SAMD3: variants seen among roughly 807,000 people sequenced by gnomAD.
SAMD3 encodes the protein sterile alpha motif domain-containing protein 3.
In SAMD3, 63 loss-of-function variants were observed where a neutral mutation model predicts 58.5. The observed-to-expected ratio is 1.08, with a 90% CI of 0.88 to 1.33. The LOEUF is 1.33. SAMD3 is among the 40% of genes most tolerant of loss of function. The pLI, the probability that SAMD3 is intolerant of heterozygous loss-of-function variation, is 0.00. For missense variants in SAMD3, 604 were observed against 608.4 expected (o/e 0.99, Z 0.08); for synonymous variants, 220 against 210.3 (o/e 1.05, Z -0.40).
intron 1 of SAMD3, among the ~76,000 whole-genome samples, chr6:130,341,920 T>C (rs1777288758): frequency 6.6e-6 from 1 of 152,226 alleles, no homozygotes. Flanking sequence ...AAATATTCTT[T>C]TTATTCCACC....
At chr6:130,200,557 C>CCA (rs1794561056) in intron 5 of SAMD3, among the ~76,000 whole-genome samples, 1 of 97,244 alleles carries the variant, frequency 1.0e-5, no homozygotes, top group African/African-American at 4.0e-5. Context: ...CCCCGACCCA[C>CCA]AAAAAAAAAA....
chr6:130,359,289 T>C (rs1170666531), intron 1 of SAMD3, among the ~76,000 whole-genome samples: 1 of 152,216 alleles, frequency 6.6e-6, no homozygotes, highest in East Asian at 1.9e-4. Context: ...TTTGTTTGAG[T>C]ACACAGAACA....
chr6:130,294,909 A>ATTTTTTTTTTTTTT lies in SAMD3; in HGVS notation c.-188+18055_-188+18068dup, dbSNP rs774036634. On this transcript the variant is annotated intron_variant, in intron 2 of 13. Coordinates refer to the SAMD3 transcript ENST00000368134. ...TCTAATTTTTCCATACATTTCTCTG[A>ATTTTTTTTTTTTTT]TTTTTTTTTTTTTTTTTTTTTTTTT... 3.7e-4 allele frequency among the ~76,000 whole-genome samples: 21 copies of ATTTTTTTTTTTTTT among 56,164 alleles called. 2 individuals are homozygous for ATTTTTTTTTTTTTT. The highest frequency in any genetic ancestry group is 5.9e-4 in the Admixed American group (3 of 5,092). 36.8% of individuals were successfully genotyped at this position (56,164 alleles called of 152,430 possible).
intron 5 of SAMD3, among the ~76,000 whole-genome samples, chr6:130,190,181 C>A (rs1185701892): frequency 2.0e-5 from 3 of 152,188 alleles, no homozygotes; most frequent in Non-Finnish European, 1.5e-5. Flanking sequence ...CACCAGGAGA[C>A]TGAGTTTTCC....
intron 8 of SAMD3, among the ~76,000 whole-genome samples, chr6:130,165,412 CA>C (rs977468731): frequency 6.6e-6 from 1 of 151,766 alleles, no homozygotes; most frequent in African/African-American, 2.4e-5. Flanking sequence ...AACAAACAAA[CA>C]AAAAAACACA....
intron 2 of SAMD3, among the ~76,000 whole-genome samples, chr6:130,259,563 T>C (rs1173940985): frequency 1.3e-5 from 2 of 152,080 alleles, no homozygotes; most frequent in Non-Finnish European, 1.5e-5. Flanking sequence ...GGACAAACAT[T>C]CAAACCATAG....
chr6:130,277,830 G>A (rs1774835029), intron 2 of SAMD3, among the ~76,000 whole-genome samples: 1 of 152,154 alleles, frequency 6.6e-6, no homozygotes, highest in Admixed American at 6.6e-5. Context: ...CCTCCAAGCT[G>A]TCTCTGTTCA....
intron 1 of SAMD3, among the ~76,000 whole-genome samples, chr6:130,325,658 C>G (rs1399449176): frequency 6.6e-6 from 1 of 152,202 alleles, no homozygotes; most frequent in East Asian, 1.9e-4. Flanking sequence ...ATCTGGATAT[C>G]CCTTAAGCCA....
intron 2 of SAMD3, among the ~76,000 whole-genome samples, chr6:130,302,982 C>A (rs1775803886): frequency 6.6e-6 from 1 of 152,024 alleles, no homozygotes. Flanking sequence ...GTTTGGGTGG[C>A]GAGTTAACTA....
intron 1 of SAMD3, among the ~76,000 whole-genome samples, chr6:130,219,237 C>T (rs1234052879): frequency 6.6e-6 from 1 of 152,122 alleles, no homozygotes; most frequent in Non-Finnish European, 1.5e-5. Context: ...AGCTAGCAGA[C>T]AGCAAACAGG....
At chr6:130,338,526 A>G (rs1182282469) in intron 1 of SAMD3, among the ~76,000 whole-genome samples, 1 of 152,182 alleles carries the variant, frequency 6.6e-6, no homozygotes, top group Non-Finnish European at 1.5e-5. Flanking sequence ...TGCCTGGAAA[A>G]GTCACAGGCA....
At chr6:130,178,062 C>T (rs908116309) in intron 7 of SAMD3, among the ~76,000 whole-genome samples, 4 of 152,076 alleles carry the variant, frequency 2.6e-5, no homozygotes, top group Admixed American at 1.3e-4. Flanking sequence ...GCAATCTCCA[C>T]CTCCTGGGCT....
At chr6:130,171,444 T>G (rs1208940351) in intron 8 of SAMD3, among the ~76,000 whole-genome samples, 1 of 152,184 alleles carries the variant, frequency 6.6e-6, no homozygotes, top group Non-Finnish European at 1.5e-5. Context: ...AAGAACATCT[T>G]TGTTTCTGCC....
intron 2 of SAMD3, among the ~76,000 whole-genome samples, chr6:130,258,884 T>TGATTTTAGC (rs1253041566): frequency 6.6e-6 from 1 of 152,210 alleles, no homozygotes; most frequent in Non-Finnish European, 1.5e-5. Flanking sequence ...GAGATTTTAG[T>TGATTTTAGC]GATTTTAGCA....
chr6:130,149,063 G>T (rs1048094842), intron 9 of SAMD3, among the ~76,000 whole-genome samples: 5 of 152,188 alleles, frequency 3.3e-5, no homozygotes, highest in African/African-American at 1.2e-4. Flanking sequence ...CTAAAACCAT[G>T]AATTCACATT....
intron 1 of SAMD3, among the ~76,000 whole-genome samples, chr6:130,328,125 T>A (rs1776813118): frequency 1.3e-5 from 2 of 152,288 alleles, no homozygotes; most frequent in South Asian, 4.1e-4. Context: ...ATGTTGCAGA[T>A]CTCATGTGAG....
chr6:130,293,362 A>G (rs1398027769), intron 2 of SAMD3, among the ~76,000 whole-genome samples: 1 of 152,178 alleles, frequency 6.6e-6, no homozygotes, highest in Non-Finnish European at 1.5e-5. Flanking sequence ...GCTCACAAGT[A>G]TCCTTGACCC....
intron 1 of SAMD3, among the ~76,000 whole-genome samples, chr6:130,360,260 C>T (rs147924036): frequency 6.2e-4 from 95 of 152,312 alleles, no homozygotes; most frequent in Non-Finnish European, 1.0e-3. Context: ...AATGTGCCAA[C>T]GTTTTCTCAT....
At chr6:130,287,443 GAATA>G (rs1188610117) in intron 2 of SAMD3, among the ~76,000 whole-genome samples, 4 of 152,126 alleles carry the variant, frequency 2.6e-5, no homozygotes, top group Non-Finnish European at 5.9e-5. Flanking sequence ...GGGAAAAGCA[GAATA>G]AATAACTATA....
Sources: allele counts gnomAD v4.1 joint callset (sites outside exome capture counted in the v4.1 genomes callset), GRCh38; gene constraint gnomAD v4.1.1; transcripts MANE v1.5; gene names NCBI Gene and HGNC (gene_info 2026-07-23, HGNC 2026-07-21).